AKAP13: variants seen among roughly 807,000 people sequenced by gnomAD.
The protein encoded by AKAP13 is A-kinase anchoring protein 13.
AKAP13 carries 80 observed loss-of-function variants against 264.5 expected under a neutral mutation model. The ratio of observed to expected loss-of-function variants is 0.30; its 90% confidence interval spans 0.25 to 0.36. AKAP13 has a LOEUF of 0.36. Ranked by LOEUF, AKAP13 falls within the 10% of genes least tolerant of loss-of-function variation. AKAP13 has a pLI of 1.00. For missense variants in AKAP13, 3,712 were observed against 3,435.2 expected, an observed-to-expected ratio of 1.08 and a Z score of -2.01; for synonymous variants, 1,380 against 1,250.2, an observed-to-expected ratio of 1.10 and a Z score of -2.19.
intron 1 of AKAP13, among the ~76,000 whole-genome samples, chr15:85,469,310 A>G (rs957605753): frequency 6.6e-6 from 1 of 152,042 alleles, no homozygotes; most frequent in Admixed American, 6.6e-5. Context: ...AAGGAACTGC[A>G]TATAATAGTG....
At chr15:85,408,278 T>C (rs2071770222) in intron 1 of AKAP13, among the ~76,000 whole-genome samples, 2 of 151,810 alleles carry the variant, frequency 1.3e-5, no homozygotes. Flanking sequence ...ATTTTAAGAA[T>C]ATTAAAAAAT....
At chr15:85,658,685 A>C in intron 12 of AKAP13, 95 bp downstream of exon 12, 1 of 1,082,886 alleles carries the variant, frequency 9.2e-7, no homozygotes, top group Middle Eastern at 2.2e-4. Flanking sequence ...TGGATCATCT[A>C]CTTTTAAGTA....
rs1157491445 is a variant in AKAP13 at position 85,747,711 on chromosome 15, A to T, written c.*3034A>T. Reference sequence around the variant, plus strand: ...CTTCTTAGAAAATGGAGAGGGTTAAAAACATGCAAACTGCCACTTTCAACC... The same window carrying T: ...CTTCTTAGAAAATGGAGAGGGTTAATAACATGCAAACTGCCACTTTCAACC... On this transcript the variant is annotated 3_prime_UTR_variant, in exon 37 of 37. Transcript: ENST00000394518. 2 of 152,660 alleles carry T rather than the reference A, an allele frequency of 1.3e-5. No homozygotes were observed. The highest frequency in any genetic ancestry group is 2.9e-5 in the Non-Finnish European group (2 of 68,044). The allele number at this position is 152,660 out of a possible 1,614,324, so 9.5% of individuals were successfully genotyped here.
At chr15:85,631,536 A>T (rs369418696) in intron 8 of AKAP13, among the ~76,000 whole-genome samples, 5 of 98,578 alleles carry the variant, frequency 5.1e-5, no homozygotes, top group Non-Finnish European at 4.7e-5. Context: ...ACACACACAC[A>T]CACACACACA....
chr15:85,662,646 G>A (rs1250369069), intron 12 of AKAP13, among the ~76,000 whole-genome samples: 2 of 152,208 alleles, frequency 1.3e-5, no homozygotes, highest in South Asian at 4.1e-4. Context: ...TAAGAGTCGG[G>A]TGATGCATCC....
intron 1 of AKAP13, among the ~76,000 whole-genome samples, chr15:85,472,773 T>G (rs1358696481): frequency 6.6e-6 from 1 of 152,192 alleles, no homozygotes; most frequent in East Asian, 1.9e-4. Context: ...TCATGAAAAA[T>G]ACAGACCTGG....
intron 10 of AKAP13, among the ~76,000 whole-genome samples, chr15:85,646,663 T>C (rs1196782728): frequency 6.6e-6 from 1 of 152,192 alleles, no homozygotes; most frequent in African/African-American, 2.4e-5. Flanking sequence ...GGTTAATGTG[T>C]TTAGGCCTGA....
intron 4 of AKAP13, chr15:85,534,928 T>G (rs1163432036): frequency 6.6e-6 from 1 of 152,168 alleles, no homozygotes; most frequent in African/African-American, 2.4e-5. Flanking sequence ...CAAGTCCAAT[T>G]GAACGATTTG....
intron 2 of AKAP13, among the ~76,000 whole-genome samples, chr15:85,493,106 G>C (rs886503601): frequency 6.6e-6 from 1 of 152,204 alleles, no homozygotes; most frequent in African/African-American, 2.4e-5. Context: ...TGTCAACAGA[G>C]AGCTCATTTT....
chr15:85,587,895 G>A (rs988983485), intron 8 of AKAP13, among the ~76,000 whole-genome samples: 7 of 152,238 alleles, frequency 4.6e-5, no homozygotes, highest in South Asian at 2.1e-4. Context: ...TGATCCACCC[G>A]CCTTGGCCTC....
intron 17 of AKAP13, among the ~76,000 whole-genome samples, chr15:85,698,465 C>CA (rs35509705): frequency 0.66 from 68,398 of 103,776 alleles, 22,858 homozygotes; most frequent in East Asian, 0.93. Flanking sequence ...ACTCTGTCTC[C>CA]AAAAAAAAAA....
At chr15:85,458,497 A>G (rs1301911129) in intron 1 of AKAP13, among the ~76,000 whole-genome samples, 1 of 148,294 alleles carries the variant, frequency 6.7e-6, no homozygotes, top group South Asian at 2.1e-4. Context: ...AGTTCCTCTC[A>G]TAGCTCTAAT....
At chr15:85,621,772 C>T (rs374782115) in intron 8 of AKAP13, among the ~76,000 whole-genome samples, 13 of 152,006 alleles carry the variant, frequency 8.6e-5, no homozygotes, top group Non-Finnish European at 1.0e-4. Context: ...ATGAAGAGCC[C>T]GAGGGTTTTC....
At chr15:85,382,926 C>A (rs2141825010) in intron 1 of AKAP13, among the ~76,000 whole-genome samples, 2 of 152,290 alleles carry the variant, frequency 1.3e-5, no homozygotes, top group South Asian at 2.1e-4. Context: ...TCTGTGATGA[C>A]ATTTACTTTA....
intron 4 of AKAP13, among the ~76,000 whole-genome samples, chr15:85,541,586 T>C (rs918914413): frequency 1.3e-5 from 2 of 152,156 alleles, no homozygotes; most frequent in African/African-American, 4.8e-5. Flanking sequence ...ATGGAAAAGG[T>C]TTTTTGTTTG....
intron 8 of AKAP13, among the ~76,000 whole-genome samples, chr15:85,599,987 A>T (rs1006435811): frequency 1.3e-5 from 2 of 152,204 alleles, no homozygotes; most frequent in Non-Finnish European, 2.9e-5. Context: ...ACAAACATCA[A>T]GCTGCCCTGA....
intron 33 of AKAP13, among the ~76,000 whole-genome samples, chr15:85,738,794 C>T (rs1417327970): frequency 6.9e-6 from 1 of 145,016 alleles, no homozygotes; most frequent in Non-Finnish European, 1.5e-5. Flanking sequence ...GCCGAGATTG[C>T]GCCACTGCAG....
Position 85,726,397 on chromosome 15 carries a change from T to A in AKAP13, c.6746-13T>A. The stretch of plus-strand genomic sequence containing the variant: ...ATCGTTTTATCTTCCCTTCTCCCAT[T>A]TCCATTTTCCAGAGGTTCAAGCAGT... On this transcript the variant is annotated splice_polypyrimidine_tract_variant and intron_variant, in intron 26 of 36. Coordinates refer to ENST00000394518, the MANE Select transcript of AKAP13 (RefSeq NM_007200.5). 6.2e-7 allele frequency: 1 copy of A among 1,609,036 alleles called. No homozygotes were observed. Among genetic ancestry groups the A allele is most frequent in the East Asian group, 2.2e-5 (1 of 44,830 alleles).
At chr15:85,386,241 A>C (rs933693270) in intron 1 of AKAP13, among the ~76,000 whole-genome samples, 2 of 151,862 alleles carry the variant, frequency 1.3e-5, no homozygotes, top group Admixed American at 1.3e-4. Flanking sequence ...ATAATAGTTT[A>C]GAAATCTTTG....
Sources: gnomAD v4.1 joint callset for allele counts (sites outside exome capture counted in the v4.1 genomes callset) on GRCh38, gnomAD v4.1.1 for gene constraint, MANE v1.5 for transcripts, NCBI Gene and HGNC (gene_info 2026-07-23, HGNC 2026-07-21) for gene names.